The following MAP4K4 variants were observed in gnomAD, a reference collection of about 807,000 sequenced individuals.
MAP4K4 encodes the protein HPK/GCK-like kinase HGK.
Under a neutral mutation model 189.6 loss-of-function variants are expected in MAP4K4, and 38 were observed. That is an observed-to-expected ratio of 0.20 (90% CI 0.15 to 0.26). The LOEUF (loss-of-function observed/expected upper bound fraction) is 0.26. Ranked by LOEUF, MAP4K4 falls within the 10% of genes least tolerant of loss-of-function variation. MAP4K4 has a pLI of 1.00. For synonymous variants in MAP4K4, 610 were observed against 624.3 expected (o/e 0.98, Z 0.34); for missense variants, 1,054 against 1,726.9 (o/e 0.61, Z 6.91).
chr2:101,855,326 C>A (rs879461724), intron 12 of MAP4K4, among the ~76,000 whole-genome samples: 4 of 152,176 alleles, frequency 2.6e-5, no homozygotes, highest in Non-Finnish European at 5.9e-5. Context: ...CTTTTCTGAA[C>A]CTGCTTTCGC....
At chr2:101,878,101 T>C (rs2098268159) in intron 27 of MAP4K4, among the ~76,000 whole-genome samples, 1 of 152,170 alleles carries the variant, frequency 6.6e-6, no homozygotes. Context: ...TTGTGTAATA[T>C]AAACTAGTAC....
chr2:101,795,704 A>T (rs896671353), intron 3 of MAP4K4, among the ~76,000 whole-genome samples: 8 of 152,308 alleles, frequency 5.3e-5, no homozygotes, highest in African/African-American at 1.9e-4. Flanking sequence ...ATTGCTACTG[A>T]GGTATTACTG....
rs5832985 is a variant in MAP4K4 at position 101,745,972 on chromosome 2, T to TTGTGTGTGTG, written c.124-44722_124-44713dup. On this transcript the variant is annotated intron_variant, in intron 2 of 32. Transcript: ENST00000324219. Reference sequence around the variant, plus strand: ...CAAATTATTTGAAATCCTGTTTCCTTTGTGTGTGTGTGTGTGTGTGTGTGT... The same window carrying TTGTGTGTGTG: ...CAAATTATTTGAAATCCTGTTTCCTTTGTGTGTGTGTGTGTGTGTGTGTGTGTGTGTGTGT... 3.4e-3 allele frequency among the ~76,000 whole-genome samples: 503 copies of TTGTGTGTGTG among 146,596 alleles called. 3 individuals are homozygous for TTGTGTGTGTG. The highest frequency in any genetic ancestry group is 0.011 in the African/African-American group (412 of 38,798).
intron 2 of MAP4K4, among the ~76,000 whole-genome samples, chr2:101,706,391 CTA>C (rs1472263000): frequency 6.6e-6 from 1 of 152,178 alleles, no homozygotes; most frequent in Non-Finnish European, 1.5e-5. Context: ...TTTATCATGA[CTA>C]TGTAAATACC....
intron 2 of MAP4K4, among the ~76,000 whole-genome samples, chr2:101,738,611 A>G (rs1003795047): frequency 1.3e-5 from 2 of 152,044 alleles, no homozygotes; most frequent in Non-Finnish European, 2.9e-5. Flanking sequence ...TGATTTTTTA[A>G]AGACATCTTG....
At chr2:101,762,108 A>G (rs754660077) in intron 2 of MAP4K4, among the ~76,000 whole-genome samples, 13 of 152,194 alleles carry the variant, frequency 8.5e-5, no homozygotes, top group Non-Finnish European at 1.6e-4. Flanking sequence ...CAGGATTAGA[A>G]GGTATATGGG....
rs1414117423 is a variant in MAP4K4, at chr2:101,891,184, C to G, written c.4090C>G (p.Arg1364Gly). 5 of 1,613,634 alleles carry G rather than the reference C, an allele frequency of 3.1e-6. No homozygotes were observed. Among genetic ancestry groups the G allele is most frequent in the Non-Finnish European group, 2.5e-6 (3 of 1,179,732 alleles). The change falls in exon 33 of 33, where the codon CGG becomes GGG. Residue 1364 changes from arginine (R) to glycine (G), a missense_variant. Coordinates refer to ENST00000324219, the Ensembl canonical transcript of MAP4K4. ...TTTGCAGGTGTTCTTTGCCTCTGTTCGGTCTGGTGGCAGCAGTCAGGTTTA... is the reference window on the plus strand; with the variant it reads ...TTTGCAGGTGTTCTTTGCCTCTGTTGGGTCTGGTGGCAGCAGTCAGGTTTA...
chr2:101,823,160 G>A (rs960233730), intron 3 of MAP4K4, among the ~76,000 whole-genome samples: 1 of 152,144 alleles, frequency 6.6e-6, no homozygotes, highest in African/African-American at 2.4e-5. Context: ...TCATTCACAA[G>A]GGCAACTTAT....
At chr2:101,783,792 G>GTAC (rs1416858222) in intron 2 of MAP4K4, among the ~76,000 whole-genome samples, 1 of 152,158 alleles carries the variant, frequency 6.6e-6, no homozygotes, top group Non-Finnish European at 1.5e-5. Context: ...TCTGTTGCAG[G>GTAC]TACACGTCAC....
rs141594741 is a variant in MAP4K4, at chr2:101,788,264, T to C, written c.124-2456T>C. Among the ~76,000 whole-genome samples, 914 of 152,272 alleles carry C rather than the reference T, an allele frequency of 6.0e-3. 10 individuals are homozygous for C. The highest frequency in any genetic ancestry group is 0.021 in the African/African-American group (884 of 41,556). On this transcript the variant is annotated intron_variant, in intron 2 of 32. Transcript: ENST00000324219. ...GAGCAAGGAAATCAGCATGGGCCTT[T>C]GTTGGAGTGGAATGAGGATGAATCC...
chr2:101,889,110 A>G (rs867422688), intron 32 of MAP4K4, among the ~76,000 whole-genome samples, 175 bp downstream of exon 32: 2 of 152,122 alleles, frequency 1.3e-5, no homozygotes, highest in African/African-American at 4.8e-5. Context: ...GCTTTTTGCT[A>G]TGAGGGGATA....
intron 3 of MAP4K4, among the ~76,000 whole-genome samples, chr2:101,812,459 C>A (rs527976845): frequency 6.6e-6 from 1 of 152,162 alleles, no homozygotes; most frequent in African/African-American, 2.4e-5. Context: ...TCACAGCACG[C>A]GTGCGTGTCC....
chr2:101,735,458 C>T (rs779494097), intron 2 of MAP4K4, among the ~76,000 whole-genome samples: 36 of 152,216 alleles, frequency 2.4e-4, no homozygotes, highest in Non-Finnish European at 4.6e-4. Flanking sequence ...AAGTAGGGGC[C>T]ACCTGCTTTA....
At chr2:101,892,578 G>C (rs761249719) in exon 33 of MAP4K4, 33 of 284,484 alleles carry the variant, frequency 1.2e-4, no homozygotes, top group Non-Finnish European at 2.3e-4. Flanking sequence ...CCTTTTCTTG[G>C]GGGTGGGGGA....
chr2:101,782,561 A>AG (rs1256153161), intron 2 of MAP4K4, among the ~76,000 whole-genome samples: 2 of 152,170 alleles, frequency 1.3e-5, no homozygotes, highest in African/African-American at 2.4e-5. Context: ...AGTAGTTATG[A>AG]GGATGAAACG....
At chr2:101,882,152 C>T (rs1013939198) in intron 27 of MAP4K4, among the ~76,000 whole-genome samples, 1 of 152,196 alleles carries the variant, frequency 6.6e-6, no homozygotes, top group Non-Finnish European at 1.5e-5. Flanking sequence ...CCACATCTTG[C>T]CTACCTTTGA....
At chr2:101,886,364 CTA>C (rs1256128424) in intron 29 of MAP4K4, among the ~76,000 whole-genome samples, 1 of 140,430 alleles carries the variant, frequency 7.1e-6, no homozygotes, top group Non-Finnish European at 1.5e-5. Context: ...CCATTTTAGT[CTA>C]GTCAGAAAAT....
At chr2:101,798,660 G>A (rs1328207547) in intron 3 of MAP4K4, among the ~76,000 whole-genome samples, 1 of 152,028 alleles carries the variant, frequency 6.6e-6, no homozygotes, top group Non-Finnish European at 1.5e-5. Context: ...TTAAAGTAGT[G>A]GTACCTAACA....
At chr2:101,822,155 A>C (rs1481106006) in intron 3 of MAP4K4, among the ~76,000 whole-genome samples, 4 of 152,268 alleles carry the variant, frequency 2.6e-5, no homozygotes, top group Admixed American at 2.6e-4. Flanking sequence ...TTTAATAAAC[A>C]ATAAAAGTAT....
Sources: gnomAD v4.1 joint callset for allele counts (sites outside exome capture counted in the v4.1 genomes callset) on GRCh38, gnomAD v4.1.1 for gene constraint, MANE v1.5 for transcripts, NCBI Gene and HGNC (gene_info 2026-07-23, HGNC 2026-07-21) for gene names.